The following KLF13 variants were observed in gnomAD, a reference collection of about 807,000 sequenced individuals.
KLF13 encodes the protein KLF transcription factor 13.
Under a neutral mutation model 16.7 loss-of-function variants are expected in KLF13, and 8 were observed. The ratio of observed to expected loss-of-function variants is 0.48; its 90% confidence interval spans 0.28 to 0.87. The LOEUF is 0.87. Among genes scored for constraint, KLF13 ranks in the 40% least tolerant of loss-of-function variants. KLF13 has a pLI of 0.10. For missense variants in KLF13, 447 were observed against 452.2 expected (o/e 0.99, Z 0.10); for synonymous variants, 245 against 208.4 (o/e 1.18, Z -1.51).
chr15:31,364,891 C>T (rs1295342307), intron 1 of KLF13, among the ~76,000 whole-genome samples: 1 of 152,166 alleles, frequency 6.6e-6, no homozygotes, highest in Non-Finnish European at 1.5e-5. Flanking sequence ...AAATGGCCTC[C>T]TAAGGAGTTA....
At chr15:31,362,925 AATTT>A (rs2039411919) in intron 1 of KLF13, among the ~76,000 whole-genome samples, 2 of 152,106 alleles carry the variant, frequency 1.3e-5, no homozygotes, top group Admixed American at 1.3e-4. Context: ...TGCGTTCCAT[AATTT>A]ATTTGACAGG....
chr15:31,339,971 C>T (rs1408752491), intron 1 of KLF13: 2 of 702,402 alleles, frequency 2.8e-6, no homozygotes, highest in South Asian at 1.5e-5. Flanking sequence ...GAGTCACCTG[C>T]CCCATGGAGG....
intron 1 of KLF13, among the ~76,000 whole-genome samples, chr15:31,414,926 T>G (rs766907560): frequency 6.6e-5 from 10 of 152,194 alleles, no homozygotes; most frequent in Non-Finnish European, 1.3e-4. Flanking sequence ...ATCCACAATG[T>G]TGGAAGTAGG....
In KLF13 at chr15:31,396,229, G is replaced by A. The variant is rs565405302; in HGVS notation, n.529+2538G>A. Among the ~76,000 whole-genome samples the A allele has an allele frequency of 5.3e-5, 8 of 152,280 alleles. No homozygotes were observed. In the East Asian group the frequency reaches 1.4e-3, roughly 26 times the overall value. On this transcript the variant is annotated intron_variant and non_coding_transcript_variant, in intron 2 of 2. Coordinates refer to the KLF13 transcript ENST00000500533. The stretch of plus-strand genomic sequence containing the variant: ...TAGTAGACGGGGTTTCTCTGTGTTG[G>A]TCAGGTTGCTCTCAAACTCCCGACT...
intron 1 of KLF13, among the ~76,000 whole-genome samples, chr15:31,344,349 G>A (rs1214086715): frequency 6.6e-6 from 1 of 152,222 alleles, no homozygotes; most frequent in African/African-American, 2.4e-5. Context: ...TTAAGCCAGG[G>A]CGTGCTCTGA....
intron 1 of KLF13, among the ~76,000 whole-genome samples, chr15:31,430,749 A>G (rs1006664195): frequency 2.0e-5 from 3 of 152,248 alleles, no homozygotes; most frequent in East Asian, 1.9e-4. Context: ...TAAATGGCCA[A>G]TAAACATGTA....
rs1289345063 is a variant in KLF13, at chr15:31,432,662, C to T, written n.118-2708C>T. ...ATGGGGCCTTGCTTTGTTGCCCAGG[C>T]TAGTCTTGAACTCCTGGACTCAAGC... is the stretch of plus-strand genomic sequence containing the variant. On this transcript the variant is annotated intron_variant and non_coding_transcript_variant, in intron 1 of 1. Coordinates refer to the KLF13 transcript ENST00000558225. Among the ~76,000 whole-genome samples the T allele has an allele frequency of 5.9e-5, 9 of 152,032 alleles. No homozygotes were observed. In the East Asian group the frequency reaches 1.7e-3, roughly 29 times the overall value.
chr15:31,383,714 C>T (rs561382606), intron 1 of KLF13, among the ~76,000 whole-genome samples: 1 of 152,184 alleles, frequency 6.6e-6, no homozygotes, highest in African/African-American at 2.4e-5. Flanking sequence ...TCCTGGCTAA[C>T]ACGGTGAAAC....
chr15:31,372,119 C>T lies in KLF13; in HGVS notation c.687C>T (p.Cys229=). 1 of 1,613,150 alleles carries T rather than the reference C, an allele frequency of 6.2e-7. No homozygotes were observed. The highest frequency in any genetic ancestry group is 8.5e-7 in the Non-Finnish European group (1 of 1,179,990). The change falls in exon 2 of 2, where the codon TGC becomes TGT. Residue 229 remains cysteine, a synonymous_variant. Transcript: ENST00000307145. The part of the protein sequence containing the change: ...RTHTGEKKFS[C]PICEKRFMRS... Reference sequence around the variant, plus strand: ...ACACGGGCGAGAAGAAGTTCAGCTGCCCCATCTGCGAGAAGCGCTTCATGC... The same window carrying T: ...ACACGGGCGAGAAGAAGTTCAGCTGTCCCATCTGCGAGAAGCGCTTCATGC...
intron 1 of KLF13, among the ~76,000 whole-genome samples, chr15:31,386,071 A>G (rs1044228706): frequency 3.3e-5 from 5 of 152,272 alleles, no homozygotes; most frequent in Non-Finnish European, 5.9e-5. Flanking sequence ...CAGCCACAAC[A>G]TTCCCTTTAG....
intron 1 of KLF13, among the ~76,000 whole-genome samples, chr15:31,338,828 T>G (rs1376119747): frequency 6.6e-6 from 1 of 151,986 alleles, no homozygotes; most frequent in Non-Finnish European, 1.5e-5. Flanking sequence ...CATTCTCACT[T>G]CCTCTACTCC....
chr15:31,435,420 G>C (rs559994803), exon 2 of KLF13: 1 of 152,244 alleles, frequency 6.6e-6, no homozygotes, highest in African/African-American at 2.4e-5. Context: ...AGGCTGGAGA[G>C]CTTGTCAAGG....
At chr15:31,352,121 T>C (rs1566812889) in intron 1 of KLF13, among the ~76,000 whole-genome samples, 1 of 152,148 alleles carries the variant, frequency 6.6e-6, no homozygotes, top group Admixed American at 6.5e-5. Flanking sequence ...CAAAAGTCAC[T>C]GTTGGAGTTT....
rs112724830 is a variant in KLF13 at position 31,414,213 on chromosome 15, G to T, written n.117+20522G>T. Among the ~76,000 whole-genome samples, 325 of 152,078 alleles carry T rather than the reference G, an allele frequency of 2.1e-3. 2 individuals carry two copies. Among genetic ancestry groups the T allele is most frequent in the Middle Eastern group, 0.02 (6 of 294 alleles). On this transcript the variant is annotated intron_variant and non_coding_transcript_variant, in intron 1 of 1. Transcript: ENST00000558225. ...GGCCCTAGAGCAACCACTAAAAAAT[G>T]ACATAAAAATATAGTGGGAAAAATC... is the stretch of plus-strand genomic sequence containing the variant.
In KLF13 at chr15:31,374,532, T is replaced by C. The variant is rs566789353; in HGVS notation, c.*2233T>C. The C allele has an allele frequency of 6.5e-6, 1 of 152,724 alleles. No individual in the cohort carries two copies. The highest frequency in any genetic ancestry group is 6.5e-5 in the Admixed American group (1 of 15,302). 9.5% of individuals were successfully genotyped at this position (152,724 alleles called of 1,614,324 possible). On this transcript the variant is annotated 3_prime_UTR_variant, in exon 2 of 2. Coordinates refer to ENST00000307145, the MANE Select transcript of KLF13 (RefSeq NM_015995.4). The stretch of plus-strand genomic sequence containing the variant: ...AGTGAGGTCCCTCCCAAAGTTGTTT[T>C]CGTGTGAGGCAGAGAAAGCCACACT...
downstream of KLF13, among the ~76,000 whole-genome samples, chr15:31,408,335 T>C (rs1222762157): frequency 6.6e-6 from 1 of 152,224 alleles, no homozygotes; most frequent in Non-Finnish European, 1.5e-5. Context: ...TTCCTGTTCC[T>C]GGTGGTATAG....
At chr15:31,357,794 G>GC (rs969948838) in intron 1 of KLF13, among the ~76,000 whole-genome samples, 1 of 152,134 alleles carries the variant, frequency 6.6e-6, no homozygotes, top group African/African-American at 2.4e-5. Flanking sequence ...ATGTTCAGGT[G>GC]CCCCCCACCA....
At chr15:31,397,199 A>C (rs1323789316) in intron 2 of KLF13, among the ~76,000 whole-genome samples, 1 of 99,908 alleles carries the variant, frequency 1.0e-5, no homozygotes, top group Non-Finnish European at 1.9e-5. Context: ...CCCTGAGGCC[A>C]AGAGGGTGTC....
intron 1 of KLF13, among the ~76,000 whole-genome samples, chr15:31,357,483 G>A (rs2039317754): frequency 6.6e-6 from 1 of 152,228 alleles, no homozygotes; most frequent in South Asian, 2.1e-4. Context: ...TGGTCTACTG[G>A]GCCATCTCCT....
Sources: allele counts gnomAD v4.1 joint callset (sites outside exome capture counted in the v4.1 genomes callset), GRCh38; gene constraint gnomAD v4.1.1; transcripts MANE v1.5; gene names NCBI Gene and HGNC (gene_info 2026-07-23, HGNC 2026-07-21).